Variants in KIF1A observed in about 807,000 individuals in gnomAD.
The protein encoded by KIF1A is kinesin-like protein KIF1A.
A neutral mutation model predicts 227.3 loss-of-function variants in KIF1A; 46 were observed. The ratio of observed to expected loss-of-function variants is 0.20; its 90% CI spans 0.16 to 0.26. The LOEUF (loss-of-function observed/expected upper bound fraction) is 0.26, where lower values mean the gene tolerates loss of function less well. Ranked by LOEUF, KIF1A falls within the 10% of genes least tolerant of loss-of-function variation. The pLI is 1.00. For missense variants in KIF1A, 1,683 were observed against 2,485.9 expected, an observed-to-expected ratio of 0.68 and a Z score of 6.87; for synonymous variants, 1,022 against 1,012.8, an observed-to-expected ratio of 1.01 and a Z score of -0.17.
At chr2:240,734,158 C>A (rs575261068) in intron 38 of KIF1A, among the ~76,000 whole-genome samples, 3 of 152,378 alleles carry the variant, frequency 2.0e-5, no homozygotes, top group African/African-American at 7.2e-5. Flanking sequence ...CTGGCCTGGC[C>A]AGGTGAGGGA....
intron 31 of KIF1A, 22 bp downstream of exon 31, chr2:240,745,716 C>T: frequency 6.2e-7 from 1 of 1,608,172 alleles, no homozygotes; most frequent in South Asian, 1.1e-5. Context: ...AGCGCAGGGA[C>T]ACAAAGGCAG....
intron 1 of KIF1A, among the ~76,000 whole-genome samples, chr2:240,814,148 G>A (rs1279111178): frequency 1.3e-5 from 2 of 151,860 alleles, no homozygotes; most frequent in Non-Finnish European, 2.9e-5. Context: ...ATGAAAAGGA[G>A]GAAATTACGA....
chr2:240,780,806 A>ACACACACACACACACAGCTC (rs2053611631), intron 10 of KIF1A, among the ~76,000 whole-genome samples: 5 of 87,034 alleles, frequency 5.7e-5, no homozygotes, highest in African/African-American at 3.0e-4. Flanking sequence ...CTCCACACAC[A>ACACACACACACACACAGCTC]CACACACACA....
rs115624863 is a variant in KIF1A at position 240,720,813 on chromosome 2, T to C, written c.4868+101A>G. ...GTGGCCACCCCAAGGCACTCGGCCA[T>C]TGGGGCCCCCTGTTCTGTGCTCTCT... On this transcript the variant is annotated intron_variant, in intron 45 of 48. Transcript: ENST00000498729. The C allele has an allele frequency of 6.4e-3, 8,719 of 1,363,650 alleles. 45 individuals are homozygous for C. The highest frequency in any genetic ancestry group is 6.6e-3 in the Non-Finnish European group (6,825 of 1,026,444). 84.5% of individuals were successfully genotyped at this position (1,363,650 alleles called of 1,614,324 possible).
rs2052172183 is a variant in KIF1A at position 240,772,715 on chromosome 2, C to T, written c.1181-119G>A. ...GGGTGGCCAGCAGTGGGTGTGTGGCCACAAGCAGGGTGGTGAAGGTCTTCA... is the reference window on the plus strand; with the variant it reads ...GGGTGGCCAGCAGTGGGTGTGTGGCTACAAGCAGGGTGGTGAAGGTCTTCA... On this transcript the variant is annotated intron_variant, in intron 13 of 48. Transcript: ENST00000498729. The T allele has an allele frequency of 4.3e-5, 34 of 783,570 alleles. No individual in the cohort carries two copies. The East Asian group carries it at 9.2e-4, about 21-fold the overall frequency. 48.5% of individuals were successfully genotyped at this position (783,570 alleles called of 1,614,324 possible).
At chr2:240,809,410 A>T (rs2057688204) in intron 1 of KIF1A, among the ~76,000 whole-genome samples, 1 of 152,214 alleles carries the variant, frequency 6.6e-6, no homozygotes, top group African/African-American at 2.4e-5. Flanking sequence ...AGTGCAACAG[A>T]AGGGACCCCA....
rs759602652 is a variant in KIF1A, at chr2:240,763,103, C to T, written c.1950-12G>A. ...CCAGTTCCTGGAGCCTGCAAGGGGG[C>T]ATTGGGGTGAGCACGGGAGGGCAGG... On this transcript the variant is annotated splice_polypyrimidine_tract_variant and intron_variant, in intron 21 of 48. Transcript: ENST00000498729. 3.1e-6 allele frequency: 5 copies of T among 1,594,300 alleles called. No individual in the cohort carries two copies. The highest frequency in any genetic ancestry group is 1.3e-5 in the African/African-American group (1 of 74,796).
At chr2:240,764,062 CTT>C (rs2050851541) in intron 20 of KIF1A, among the ~76,000 whole-genome samples, 1 of 152,204 alleles carries the variant, frequency 6.6e-6, no homozygotes, top group Non-Finnish European at 1.5e-5. Context: ...CAGGGGCTCT[CTT>C]TGGATGGCCT....
chr2:240,746,858 GA>G (rs1181112011), intron 29 of KIF1A, among the ~76,000 whole-genome samples: 1 of 152,216 alleles, frequency 6.6e-6, no homozygotes, highest in Non-Finnish European at 1.5e-5. Context: ...AGGAGCAGGC[GA>G]AGGGGGCAGT....
At chr2:240,786,658 G>C in intron 5 of KIF1A, 145 bp from the exon 6 acceptor site, 2 of 668,840 alleles carry the variant, frequency 3.0e-6, no homozygotes, top group Admixed American at 2.9e-5. Flanking sequence ...CCCTGAGTGA[G>C]GGGGTGGGGG....
chr2:240,731,893 G>A (rs1575536027), intron 38 of KIF1A, among the ~76,000 whole-genome samples: 2 of 17,790 alleles, frequency 1.1e-4, no homozygotes, highest in South Asian at 2.0e-3. Flanking sequence ...ATGAGGGGAG[G>A]AGGGGAGGAG....
At chr2:240,737,225 G>GAA in intron 37 of KIF1A, 57 bp from the exon 38 acceptor site, 1 of 1,426,134 alleles carries the variant, frequency 7.0e-7, no homozygotes, top group Non-Finnish European at 9.9e-7. Flanking sequence ...GGGACCCTGG[G>GAA]GGGCTGCCTC....
At chr2:240,761,702 C>T (rs888313634) in intron 23 of KIF1A, among the ~76,000 whole-genome samples, 7 of 152,176 alleles carry the variant, frequency 4.6e-5, no homozygotes, top group East Asian at 1.9e-4. Flanking sequence ...AAGAAGAAAC[C>T]GGCAGAGAGC....
At chr2:240,741,619 C>A (rs1051997928) in intron 34 of KIF1A, among the ~76,000 whole-genome samples, 2 of 152,334 alleles carry the variant, frequency 1.3e-5, no homozygotes, top group East Asian at 3.9e-4. Flanking sequence ...CTAGGAAAGG[C>A]ACATGGCCAT....
rs374244360 is a variant in KIF1A, at chr2:240,786,412, G to A, written c.531C>T (p.Tyr177=). Residue 177 remains tyrosine (Y), a synonymous_variant, in exon 6 of 49, where the codon TAC becomes TAT. Coordinates refer to ENST00000498729, the MANE Select transcript of KIF1A (RefSeq NM_001244008.2). ...CAGCCAGCTTGGAGAGGTCCTCCAC[G>A]TAGGGCCCCAGCAGTGGGTGCTCCC... The part of the protein sequence containing the change: ...RVREHPLLGP[Y]VEDLSKLAVT... 147 of 1,613,546 alleles carry A rather than the reference G, an allele frequency of 9.1e-5. No individual in the cohort carries two copies. The highest frequency in any genetic ancestry group is 1.6e-4 in the Middle Eastern group (1 of 6,082).
In KIF1A at chr2:240,736,486, C is replaced by G. The variant is rs970932056; in HGVS notation, c.4007+577G>C. Among the ~76,000 whole-genome samples the G allele has an allele frequency of 8.5e-5, 13 of 152,204 alleles. No homozygotes were observed. In the South Asian group the frequency reaches 2.1e-3, roughly 24 times the overall value. Reference sequence around the variant, plus strand: ...TGCCTCCCTCTCCCATCCCCTAACCCCAGCAGACCCCGATAGGGCTGCCAC... The same window carrying G: ...TGCCTCCCTCTCCCATCCCCTAACCGCAGCAGACCCCGATAGGGCTGCCAC... On this transcript the variant is annotated intron_variant, in intron 38 of 48. Transcript: ENST00000498729. The surrounding 1 kb of genome is among the most constrained non-coding windows in gnomAD (Gnocchi z 4.7).
At position 240,745,920 on chromosome 2, in the gene KIF1A, T is replaced by C. The variant is rs1559496004; in HGVS notation, c.3203-11A>G. The C allele has an allele frequency of 1.3e-6, 2 of 1,597,620 alleles. No homozygotes were observed. The highest frequency in any genetic ancestry group is 1.7e-6 in the Non-Finnish European group (2 of 1,170,508). Reference sequence around the variant, plus strand: ...CTTCTGGGGGCACTGCTGCTGGGAGTCAAGGAGAGAGTCATGGACCTCCAG... The same window carrying C: ...CTTCTGGGGGCACTGCTGCTGGGAGCCAAGGAGAGAGTCATGGACCTCCAG... On this transcript the variant is annotated splice_polypyrimidine_tract_variant and intron_variant, in intron 30 of 48. Coordinates refer to ENST00000498729, the MANE Select transcript of KIF1A (RefSeq NM_001244008.2).
rs2055415259 is a variant in KIF1A, at chr2:240,789,704, T to G, written c.107-392A>C. On this transcript the variant is annotated intron_variant, in intron 2 of 48. Transcript: ENST00000498729. This position sits in a 1 kb window ranked among gnomAD's most constrained non-coding sequence, Gnocchi z 4.8. The stretch of plus-strand genomic sequence containing the variant: ...CCTGCCCCGCCCCCTGCTCAGGCCT[T>G]TATGCTCCGGCTCAGCGTGCACGTG... 6.6e-6 allele frequency among the ~76,000 whole-genome samples: 1 copy of G among 152,176 alleles called. No individual in the cohort carries two copies. The highest frequency in any genetic ancestry group is 2.4e-5 in the African/African-American group (1 of 41,444).
intron 31 of KIF1A, 29 bp downstream of exon 31, chr2:240,745,709 G>T (rs200898765): frequency 6.2e-7 from 1 of 1,604,848 alleles, no homozygotes; most frequent in Non-Finnish European, 8.5e-7. Flanking sequence ...CCTGCGCAGC[G>T]CAGGGACACA....
Sources: gnomAD v4.1 joint callset for allele counts (sites outside exome capture counted in the v4.1 genomes callset) on GRCh38, gnomAD v4.1.1 for gene constraint, Gnocchi (gnomAD v3.1) non-coding constraint, MANE v1.5 for transcripts, NCBI Gene and HGNC (gene_info 2026-07-23, HGNC 2026-07-21) for gene names.